The following HDAC9 variants were observed in gnomAD, a reference collection of about 807,000 sequenced individuals.
HDAC9 encodes the protein MEF-2 interacting transcription repressor (MITR) protein.
Under a neutral mutation model 139.4 loss-of-function variants are expected in HDAC9, and 41 were observed. That is an observed-to-expected ratio of 0.29 (90% CI 0.23 to 0.38). The LOEUF is 0.38. HDAC9 is among the 10% of genes least tolerant of loss of function. The pLI is 1.00. For missense variants in HDAC9, 1,147 were observed against 1,297.0 expected (o/e 0.88, Z 1.78); for synonymous variants, 517 against 476.2 (o/e 1.09, Z -1.12).
intron 16 of HDAC9, among the ~76,000 whole-genome samples, chr7:18,769,410 T>G (rs1428584331): frequency 1.3e-5 from 2 of 152,102 alleles, no homozygotes; most frequent in Non-Finnish European, 2.9e-5. Context: ...TGACCTCACC[T>G]GGATGGTGGC....
At chr7:18,334,181 C>T (rs1781416892) in intron 1 of HDAC9, among the ~76,000 whole-genome samples, 1 of 151,376 alleles carries the variant, frequency 6.6e-6, no homozygotes, top group Non-Finnish European at 1.5e-5. Flanking sequence ...TTGAAGGTCT[C>T]ATACTCCTGA....
chr7:18,631,834 G>C (rs1387973952), intron 7 of HDAC9, among the ~76,000 whole-genome samples: 1 of 151,756 alleles, frequency 6.6e-6, no homozygotes, highest in Non-Finnish European at 1.5e-5. Flanking sequence ...ATCATACACT[G>C]AGATCAGAGA....
In HDAC9 at chr7:18,864,263, G is replaced by C. The variant is rs567483643; in HGVS notation, c.2685-10215G>C. On this transcript the variant is annotated intron_variant, in intron 21 of 25. Transcript: ENST00000686413. ...TGAACCCAGAGACATTATGCTGAGT[G>C]AAATAAGGCAGAATCAGGACAAATA... Among the ~76,000 whole-genome samples the C allele has an allele frequency of 6.6e-4, 101 of 152,278 alleles. 1 individual carries two copies. The South Asian group carries it at 0.02, about 30-fold the overall frequency.
intron 2 of HDAC9, among the ~76,000 whole-genome samples, chr7:18,231,432 A>G (rs1222842242): frequency 6.6e-6 from 1 of 152,178 alleles, no homozygotes; most frequent in Non-Finnish European, 1.5e-5. Context: ...GAGGCACCAT[A>G]TGGGCTAGTG....
At chr7:18,149,155 G>A (rs1323255612) in intron 1 of HDAC9, among the ~76,000 whole-genome samples, 1 of 152,014 alleles carries the variant, frequency 6.6e-6, no homozygotes. Context: ...ATCTCATTGA[G>A]CATCTTTCCA....
intron 6 of HDAC9, among the ~76,000 whole-genome samples, chr7:18,611,044 A>G (rs922077076): frequency 6.6e-6 from 1 of 152,160 alleles, no homozygotes; most frequent in Non-Finnish European, 1.5e-5. Flanking sequence ...TTGAAACATT[A>G]TAATAGGTGA....
chr7:18,732,144 G>C (rs1019293969), intron 13 of HDAC9, among the ~76,000 whole-genome samples: 6 of 152,306 alleles, frequency 3.9e-5, no homozygotes, highest in East Asian at 1.9e-4. Context: ...ACAGGTGTGA[G>C]CTACTGAGCT....
intron 23 of HDAC9, among the ~76,000 whole-genome samples, chr7:18,942,253 A>T (rs1397460502): frequency 6.6e-6 from 1 of 152,092 alleles, no homozygotes; most frequent in East Asian, 1.9e-4. Flanking sequence ...GGTCTTGAAT[A>T]AAAAAATCAG....
intron 9 of HDAC9, among the ~76,000 whole-genome samples, chr7:18,645,716 G>A (rs1181772810): frequency 2.0e-5 from 3 of 152,144 alleles, no homozygotes; most frequent in Non-Finnish European, 4.4e-5. Flanking sequence ...TATATATACA[G>A]GGGTCATATG....
intron 2 of HDAC9, among the ~76,000 whole-genome samples, chr7:18,239,471 T>G (rs1282758631): frequency 6.6e-6 from 1 of 152,174 alleles, no homozygotes; most frequent in African/African-American, 2.4e-5. Context: ...CGTTTTGATG[T>G]ACATAAAAGC....
intron 12 of HDAC9, among the ~76,000 whole-genome samples, chr7:18,696,093 CTTGCTTTTAATATCATTT>C (rs2129100898): frequency 1.3e-5 from 2 of 152,034 alleles, no homozygotes; most frequent in South Asian, 4.1e-4. Flanking sequence ...ATAGAATGCT[CTTGCTTTTAATATCATTT>C]TTGTCTTTTC....
At chr7:18,564,278 C>T (rs116477739) in intron 2 of HDAC9, among the ~76,000 whole-genome samples, 2 of 152,042 alleles carry the variant, frequency 1.3e-5, no homozygotes, top group East Asian at 3.9e-4. Context: ...ATTAATTAAT[C>T]TGTCCTGATT....
chr7:18,894,432 CACA>C, intron 22 of HDAC9, among the ~76,000 whole-genome samples: 1 of 152,008 alleles, frequency 6.6e-6, no homozygotes. Context: ...CAAAGAGGAG[CACA>C]AGCCATTAGC....
At chr7:18,176,548 C>T (rs141363471) in intron 2 of HDAC9, among the ~76,000 whole-genome samples, 111 of 152,244 alleles carry the variant, frequency 7.3e-4, no homozygotes, top group African/African-American at 2.6e-3. Flanking sequence ...GCCCTGTCTC[C>T]TATCATTTTA....
intron 2 of HDAC9, among the ~76,000 whole-genome samples, chr7:18,267,920 T>C (rs1338747771): frequency 2.0e-5 from 3 of 152,134 alleles, no homozygotes; most frequent in Non-Finnish European, 4.4e-5. Context: ...CTAAACACTC[T>C]TAAAATACCA....
In HDAC9 at chr7:18,570,529, GAAATA is replaced by G. The variant is rs371734320; in HGVS notation, c.23-14747_23-14743del. ...GGCATACTCCAGAATGAAATGTGTA[GAAATA>G]AAATGAAATGCCTATTTTGTAGAAG... On this transcript the variant is annotated intron_variant, in intron 2 of 25. Transcript: ENST00000686413. Among the ~76,000 whole-genome samples the G allele has an allele frequency of 4.8e-3, 729 of 152,294 alleles. 4 individuals carry two copies. The highest frequency in any genetic ancestry group is 8.1e-3 in the South Asian group (39 of 4,822).
intron 2 of HDAC9, among the ~76,000 whole-genome samples, chr7:18,557,627 A>G (rs1330527180): frequency 6.7e-6 from 1 of 149,894 alleles, no homozygotes; most frequent in Non-Finnish European, 1.5e-5. Flanking sequence ...TTTCTCTTGT[A>G]TGGTTAAAAT....
intron 1 of HDAC9, among the ~76,000 whole-genome samples, chr7:18,128,345 A>G (rs1407454340): frequency 6.6e-6 from 1 of 152,094 alleles, no homozygotes; most frequent in Non-Finnish European, 1.5e-5. Flanking sequence ...AATAAGAATG[A>G]TAGTTTTGGG....
At chr7:18,139,274 T>C (rs1785707160) in intron 1 of HDAC9, among the ~76,000 whole-genome samples, 1 of 151,884 alleles carries the variant, frequency 6.6e-6, no homozygotes, top group East Asian at 1.9e-4. Context: ...TGCAGGCATG[T>C]GTCACCACGA....
Sources: gnomAD v4.1 joint callset for allele counts (sites outside exome capture counted in the v4.1 genomes callset) on GRCh38, gnomAD v4.1.1 for gene constraint, MANE v1.5 for transcripts, NCBI Gene and HGNC (gene_info 2026-07-23, HGNC 2026-07-21) for gene names.